Variants in MTUS1 observed in about 807,000 individuals in gnomAD.
MTUS1 encodes microtubule-associated tumor suppressor 1.
MTUS1 carries 109 observed loss-of-function variants against 120.8 expected under a neutral mutation model. The observed-to-expected ratio is 0.90, with a 90% CI of 0.77 to 1.06. The LOEUF (loss-of-function observed/expected upper bound fraction) is 1.06. MTUS1 is among the 50% of genes least tolerant of loss of function. The pLI is 0.00. For missense variants in MTUS1, 2,210 were observed against 1,486.3 expected (o/e 1.49, Z -8.01); for synonymous variants, 737 against 550.5 (o/e 1.34, Z -4.74).
At chr8:17,699,491 G>A (rs1353917209) in intron 6 of MTUS1, among the ~76,000 whole-genome samples, 11 of 152,208 alleles carry the variant, frequency 7.2e-5, no homozygotes, top group Admixed American at 5.9e-4. Context: ...TGGGATTACA[G>A]GGGTGAGCCA....
intron 8 of MTUS1, among the ~76,000 whole-genome samples, chr8:17,671,914 T>C (rs1433200211): frequency 6.6e-6 from 1 of 152,160 alleles, no homozygotes; most frequent in African/African-American, 2.4e-5. Flanking sequence ...CACTGCTTTA[T>C]ATGCATTACT....
intron 7 of MTUS1, among the ~76,000 whole-genome samples, chr8:17,677,400 C>G (rs1258539747): frequency 6.6e-6 from 1 of 152,044 alleles, no homozygotes; most frequent in Non-Finnish European, 1.5e-5. Flanking sequence ...TTAAAATTCA[C>G]TTTTCAGTAG....
chr8:17,776,678 CAAAAAAAAA>C (rs71215272), intron 1 of MTUS1, among the ~76,000 whole-genome samples: 66 of 55,182 alleles, frequency 1.2e-3, no homozygotes, highest in Non-Finnish European at 1.5e-3. Flanking sequence ...GACTCTGTCT[CAAAAAAAAA>C]AAAAAAAAAA....
intron 1 of MTUS1, among the ~76,000 whole-genome samples, chr8:17,785,556 T>A (rs4592086): frequency 0.73 from 110,938 of 152,100 alleles, 42,036 homozygotes; most frequent in Non-Finnish European, 0.85. Flanking sequence ...ATTATTTTAA[T>A]ACAAAAAGTG....
chr8:17,662,062 TG>T (rs1470243916), intron 8 of MTUS1, among the ~76,000 whole-genome samples: 1 of 152,246 alleles, frequency 6.6e-6, no homozygotes, highest in East Asian at 1.9e-4. Context: ...TGTGTGGCGG[TG>T]GGGGGCGTGC....
In MTUS1 at chr8:17,668,170, G is replaced by A. The variant is rs111820361; in HGVS notation, c.2905+7016C>T. Among the ~76,000 whole-genome samples, 6 of 152,272 alleles carry A rather than the reference G, an allele frequency of 3.9e-5. No homozygotes were observed. The South Asian group carries it at 8.3e-4, about 21-fold the overall frequency. On this transcript the variant is annotated intron_variant, in intron 8 of 14. Transcript: ENST00000693296. The stretch of plus-strand genomic sequence containing the variant: ...CGTGGCCCAGGACAGCTTTGAATGC[G>A]GCCCAACACAAATTTGTAAACTTTC...
At chr8:17,781,164 C>G (rs1303593653) in intron 1 of MTUS1, among the ~76,000 whole-genome samples, 1 of 152,134 alleles carries the variant, frequency 6.6e-6, no homozygotes, top group Non-Finnish European at 1.5e-5. Context: ...CTGTTTCCAC[C>G]TAAAATGGAA....
chr8:17,709,778 G>T (rs1820904618), intron 6 of MTUS1, among the ~76,000 whole-genome samples: 1 of 152,076 alleles, frequency 6.6e-6, no homozygotes, highest in South Asian at 2.1e-4. Context: ...GGAGGCCGAG[G>T]CAGGTGGATC....
At chr8:17,726,501 T>A (rs1017756391) in intron 3 of MTUS1, among the ~76,000 whole-genome samples, 2 of 152,174 alleles carry the variant, frequency 1.3e-5, no homozygotes, top group African/African-American at 2.4e-5. Flanking sequence ...AATAAATGTT[T>A]CCTCAACAAA....
intron 1 of MTUS1, among the ~76,000 whole-genome samples, chr8:17,771,844 T>C (rs2050047717): frequency 6.6e-6 from 1 of 152,212 alleles, no homozygotes; most frequent in African/African-American, 2.4e-5. Flanking sequence ...AATCTACTAG[T>C]TCTGTATGTG....
chr8:17,701,593 G>C (rs1011763525), intron 6 of MTUS1, among the ~76,000 whole-genome samples: 2 of 152,140 alleles, frequency 1.3e-5, no homozygotes, highest in African/African-American at 2.4e-5. Context: ...TGTCGCCAAG[G>C]CTGGAGTGCA....
chr8:17,796,674 A>T (rs1316512920), intron 1 of MTUS1, among the ~76,000 whole-genome samples: 16 of 152,240 alleles, frequency 1.1e-4, no homozygotes. Flanking sequence ...AGCAAGAAAA[A>T]GTCATGATTA....
chr8:17,792,381 A>G (rs111653048), intron 1 of MTUS1, among the ~76,000 whole-genome samples: 1 of 152,376 alleles, frequency 6.6e-6, no homozygotes, highest in Non-Finnish European at 1.5e-5. Context: ...TGTTCAGCCT[A>G]ATAAGCTGTA....
At chr8:17,781,689 G>A (rs891514868) in intron 1 of MTUS1, among the ~76,000 whole-genome samples, 3 of 152,044 alleles carry the variant, frequency 2.0e-5, no homozygotes, top group African/African-American at 7.3e-5. Flanking sequence ...CCCCTGCACT[G>A]GCCACACCTG....
chr8:17,769,306 A>C (rs1381292485), intron 1 of MTUS1, among the ~76,000 whole-genome samples: 1 of 145,118 alleles, frequency 6.9e-6, no homozygotes, highest in Admixed American at 7.1e-5. Flanking sequence ...TTACACATTC[A>C]CAAACTCTTA....
At chr8:17,757,232 T>C (rs1211008767) in intron 1 of MTUS1, among the ~76,000 whole-genome samples, 2 of 152,186 alleles carry the variant, frequency 1.3e-5, no homozygotes, top group Admixed American at 6.5e-5. Context: ...GAATGCAATA[T>C]TGACACATGG....
chr8:17,756,973 T>C (rs1221605995), intron 1 of MTUS1, among the ~76,000 whole-genome samples: 1 of 152,212 alleles, frequency 6.6e-6, no homozygotes, highest in South Asian at 2.1e-4. Context: ...ATCCAGTGTA[T>C]GATAATTTGT....
chr8:17,680,157 G>A (rs1425974768), intron 7 of MTUS1, among the ~76,000 whole-genome samples: 2 of 152,072 alleles, frequency 1.3e-5, no homozygotes, highest in East Asian at 3.9e-4. Flanking sequence ...TAGAAGGCCA[G>A]GAAATCATTC....
chr8:17,732,742 C>T (rs1467912934), intron 3 of MTUS1, among the ~76,000 whole-genome samples: 3 of 152,138 alleles, frequency 2.0e-5, no homozygotes, highest in Non-Finnish European at 2.9e-5. Context: ...CTGCACCATT[C>T]TTCCATTGCT....
Sources: allele counts gnomAD v4.1 joint callset (sites outside exome capture counted in the v4.1 genomes callset), GRCh38; gene constraint gnomAD v4.1.1; transcripts MANE v1.5; gene names NCBI Gene and HGNC (gene_info 2026-07-23, HGNC 2026-07-21).